The following C1orf21 variants were observed in gnomAD, a reference collection of about 807,000 sequenced individuals.
C1orf21 encodes uncharacterized protein C1orf21.
In C1orf21, 3 loss-of-function variants were observed where a neutral mutation model predicts 18.7. The ratio of observed to expected loss-of-function variants is 0.16; its 90% CI spans 0.07 to 0.42. The LOEUF is 0.42. Among genes scored for constraint, C1orf21 ranks in the 10% least tolerant of loss-of-function variants. The probability of loss-of-function intolerance (pLI) is 0.99; values close to 1 mark genes in which losing one functional copy is unlikely to be tolerated. For missense variants in C1orf21, 104 were observed against 143.6 expected, an observed-to-expected ratio of 0.72 and a Z score of 1.41; for synonymous variants, 41 against 46.4, an observed-to-expected ratio of 0.88 and a Z score of 0.47.
chr1:184,488,649 A>G (rs762625573), intron 2 of C1orf21, among the ~76,000 whole-genome samples: 42 of 152,228 alleles, frequency 2.8e-4, no homozygotes, highest in Non-Finnish European at 5.6e-4. Context: ...TTTCAGATTA[A>G]TCTAAAAATT....
chr1:184,430,614 CTG>C (rs1022106331), intron 1 of C1orf21, among the ~76,000 whole-genome samples: 3 of 152,144 alleles, frequency 2.0e-5, no homozygotes, highest in African/African-American at 7.2e-5. Flanking sequence ...TAAGTTAGCT[CTG>C]TAATTTATAC....
intron 3 of C1orf21, among the ~76,000 whole-genome samples, chr1:184,514,892 A>G (rs1471143864): frequency 2.6e-5 from 4 of 152,198 alleles, no homozygotes; most frequent in Admixed American, 6.5e-5. Context: ...ACAAAATAAA[A>G]CAGCAACACT....
At chr1:184,420,051 G>C (rs887526181) in intron 1 of C1orf21, among the ~76,000 whole-genome samples, 1 of 152,176 alleles carries the variant, frequency 6.6e-6, no homozygotes, top group Non-Finnish European at 1.5e-5. Context: ...ATTCCTTCAT[G>C]AGTTAGGATA....
chr1:184,511,096 A>C (rs1001570324), intron 3 of C1orf21, among the ~76,000 whole-genome samples: 1 of 152,234 alleles, frequency 6.6e-6, no homozygotes, highest in Non-Finnish European at 1.5e-5. Flanking sequence ...TAGTGAGCAT[A>C]ATGATATGTT....
chr1:184,556,523 G>C (rs745775406), intron 3 of C1orf21, among the ~76,000 whole-genome samples: 1 of 152,112 alleles, frequency 6.6e-6, no homozygotes, highest in African/African-American at 2.4e-5. Flanking sequence ...ACACAAAACA[G>C]GAAGGAAGGA....
chr1:184,518,748 A>G (rs954149222), intron 3 of C1orf21, among the ~76,000 whole-genome samples: 2 of 152,050 alleles, frequency 1.3e-5, no homozygotes, highest in Non-Finnish European at 2.9e-5. Flanking sequence ...TTTAGGCATA[A>G]TATAGGCACT....
At chr1:184,570,383 T>C (rs1056299677) in intron 3 of C1orf21, among the ~76,000 whole-genome samples, 2 of 152,188 alleles carry the variant, frequency 1.3e-5, no homozygotes, top group African/African-American at 2.4e-5. Flanking sequence ...TAAATTGTAA[T>C]GTTGTTTAAA....
chr1:184,437,415 T>G (rs1476760808), intron 1 of C1orf21, among the ~76,000 whole-genome samples: 1 of 151,230 alleles, frequency 6.6e-6, no homozygotes, highest in African/African-American at 2.5e-5. Context: ...TGGCGCTTTG[T>G]TTTTCCTCCC....
chr1:184,438,344 G>A (rs1319682972), intron 1 of C1orf21, among the ~76,000 whole-genome samples: 1 of 152,202 alleles, frequency 6.6e-6, no homozygotes, highest in African/African-American at 2.4e-5. Flanking sequence ...AGTTAGAAGG[G>A]ATCTTGCAGC....
At chr1:184,458,238 G>A (rs931610184) in intron 1 of C1orf21, among the ~76,000 whole-genome samples, 1 of 152,168 alleles carries the variant, frequency 6.6e-6, no homozygotes, top group Non-Finnish European at 1.5e-5. Flanking sequence ...AGGTATTTAA[G>A]GGGCTGGATA....
intron 5 of C1orf21, among the ~76,000 whole-genome samples, chr1:184,603,312 TC>T (rs1048472924): frequency 1.3e-5 from 2 of 152,172 alleles, no homozygotes; most frequent in African/African-American, 4.8e-5. Flanking sequence ...CTTTCTTATA[TC>T]CCCTCCTTCC....
rs559855492 is a variant in C1orf21, at chr1:184,504,111, A to G, written c.95-3477A>G. Among the ~76,000 whole-genome samples the G allele has an allele frequency of 1.7e-3, 263 of 152,308 alleles. 1 individual carries two copies. The highest frequency in any genetic ancestry group is 4.4e-3 in the African/African-American group (184 of 41,564). ...ATCTGAGGAATAAAATGCTAAAAAT[A>G]TCACCCAGGCGTTGCTTTTACCCCA... On this transcript the variant is annotated intron_variant, in intron 2 of 5. Coordinates refer to ENST00000235307, the MANE Select transcript of C1orf21 (RefSeq NM_030806.4).
intron 5 of C1orf21, among the ~76,000 whole-genome samples, chr1:184,610,182 G>A (rs1454190835): frequency 1.3e-5 from 2 of 152,202 alleles, no homozygotes; most frequent in East Asian, 1.9e-4. Flanking sequence ...AATGAAAGAA[G>A]ACTATTTTGT....
At chr1:184,504,313 C>T (rs1658020439) in intron 2 of C1orf21, among the ~76,000 whole-genome samples, 1 of 147,664 alleles carries the variant, frequency 6.8e-6, no homozygotes, top group South Asian at 2.1e-4. Context: ...TCCTGTGTCT[C>T]CCTTCTCTTC....
intron 1 of C1orf21, among the ~76,000 whole-genome samples, chr1:184,391,261 T>C (rs1250709676): frequency 1.3e-5 from 2 of 152,194 alleles, no homozygotes; most frequent in African/African-American, 4.8e-5. Flanking sequence ...GTTTCTTTGC[T>C]TTTTTGTTAA....
At chr1:184,552,870 AC>A (rs1195939331) in intron 3 of C1orf21, among the ~76,000 whole-genome samples, 1 of 152,232 alleles carries the variant, frequency 6.6e-6, no homozygotes, top group African/African-American at 2.4e-5. Flanking sequence ...TATAAGAAAA[AC>A]AACAGCAACA....
intron 2 of C1orf21, among the ~76,000 whole-genome samples, chr1:184,505,423 A>G (rs1658045951): frequency 6.7e-6 from 1 of 150,078 alleles, no homozygotes; most frequent in Non-Finnish European, 1.5e-5. Flanking sequence ...AAATAATTAG[A>G]AACTCACCAT....
In C1orf21 at chr1:184,507,656, A is replaced by G; in HGVS notation, c.163A>G (p.Ile55Val). The change falls in exon 3 of 6, where the codon ATA becomes GTA. Residue 55 changes from isoleucine (I) to valine (V), a missense_variant. Coordinates refer to ENST00000235307, the MANE Select transcript of C1orf21 (RefSeq NM_030806.4). ...MKNGAEEEQK[I>V]AARNQENLEK... ...AAATGGGGCAGAAGAAGAGCAGAAA[A>G]TAGCAGCCAGGAACCAAGAAAACTT... is the stretch of plus-strand genomic sequence containing the variant. 1 of 1,604,120 alleles carries G rather than the reference A, an allele frequency of 6.2e-7. No homozygotes were observed. The highest frequency in any genetic ancestry group is 8.5e-7 in the Non-Finnish European group (1 of 1,176,462).
At chr1:184,392,804 C>G (rs1409193995) in intron 1 of C1orf21, among the ~76,000 whole-genome samples, 1 of 143,342 alleles carries the variant, frequency 7.0e-6, no homozygotes, top group Non-Finnish European at 1.5e-5. Context: ...AGATTTTTAT[C>G]CATAGACATT....
Sources: gnomAD v4.1 joint callset for allele counts (sites outside exome capture counted in the v4.1 genomes callset) on GRCh38, gnomAD v4.1.1 for gene constraint, MANE v1.5 for transcripts, NCBI Gene and HGNC (gene_info 2026-07-23, HGNC 2026-07-21) for gene names.